Variants in MAML2 observed in about 807,000 individuals in gnomAD.
MAML2 encodes mastermind-like protein 2.
MAML2 carries 22 observed loss-of-function variants against 96.1 expected under a neutral mutation model. That is an observed-to-expected ratio of 0.23 (90% CI 0.16 to 0.33). MAML2 has a LOEUF of 0.33. MAML2 is among the 10% of genes least tolerant of loss of function. MAML2 has a pLI of 1.00. For synonymous variants in MAML2, 561 were observed against 521.3 expected, an observed-to-expected ratio of 1.08 and a Z score of -1.04; for missense variants, 1,367 against 1,392.4, an observed-to-expected ratio of 0.98 and a Z score of 0.29.
At position 96,342,109 on chromosome 11, in the gene MAML2, G is replaced by T. The variant is rs982460487; in HGVS notation, c.-214C>A. On this transcript the variant is annotated 5_prime_UTR_variant, in exon 1 of 5. Transcript: ENST00000524717. ...GGGAGAAAGAATAGAAACCAACTGG[G>T]GGGAGGATAAGTTGGAAACAAACCC... 2.2e-5 allele frequency: 12 copies of T among 553,148 alleles called. No individual in the cohort carries two copies. The highest frequency in any genetic ancestry group is 3.8e-5 in the African/African-American group (2 of 53,172). 34.3% of individuals were successfully genotyped at this position (553,148 alleles called of 1,614,324 possible). A position where few individuals can be genotyped will look rare whatever the true frequency, so the allele number is the denominator to read the frequency against.
chr11:96,337,142 C>T (rs1054486863), intron 1 of MAML2, among the ~76,000 whole-genome samples: 13 of 152,082 alleles, frequency 8.5e-5, no homozygotes, highest in African/African-American at 3.1e-4. Context: ...GATAAGAATT[C>T]TCCTTTTTTT....
chr11:96,025,458 C>T (rs12800727), intron 2 of MAML2, among the ~76,000 whole-genome samples: 36,534 of 152,070 alleles, frequency 0.24, 5,093 homozygotes, highest in Non-Finnish European at 0.32. Flanking sequence ...GCTCACTACT[C>T]GAGTGACGAG....
At chr11:96,243,930 C>T (rs918258158) in intron 1 of MAML2, among the ~76,000 whole-genome samples, 2 of 152,150 alleles carry the variant, frequency 1.3e-5, no homozygotes, top group Non-Finnish European at 2.9e-5. Flanking sequence ...CGTGAGCCAC[C>T]GCGCCCGGCC....
chr11:96,282,761 T>A (rs977624975), intron 1 of MAML2, among the ~76,000 whole-genome samples: 1 of 152,182 alleles, frequency 6.6e-6, no homozygotes, highest in African/African-American at 2.4e-5. Flanking sequence ...CCTCAAAAAA[T>A]TTGTACTACA....
At chr11:96,299,267 C>CCCA (rs1863353658) in intron 1 of MAML2, among the ~76,000 whole-genome samples, 2 of 149,658 alleles carry the variant, frequency 1.3e-5, no homozygotes, top group East Asian at 3.9e-4. Context: ...GAAAGAGAGG[C>CCCA]ACAAGTTAAA....
At chr11:96,322,669 G>T (rs1378761372) in intron 1 of MAML2, among the ~76,000 whole-genome samples, 1 of 152,276 alleles carries the variant, frequency 6.6e-6, no homozygotes. Flanking sequence ...TCCACCCTGG[G>T]GGCCACGGAG....
chr11:96,185,011 A>G (rs1861551534), intron 1 of MAML2, among the ~76,000 whole-genome samples: 1 of 152,224 alleles, frequency 6.6e-6, no homozygotes, highest in Admixed American at 6.5e-5. Context: ...GAAGAAACTT[A>G]AGAGTTCCTT....
intron 1 of MAML2, among the ~76,000 whole-genome samples, chr11:96,234,117 T>C (rs1862334954): frequency 6.6e-6 from 1 of 152,342 alleles, no homozygotes; most frequent in East Asian, 1.9e-4. Flanking sequence ...ACCCTGTATG[T>C]GTGCCCAAGT....
chr11:96,280,439 T>C (rs549470657), intron 1 of MAML2, among the ~76,000 whole-genome samples: 1 of 152,296 alleles, frequency 6.6e-6, no homozygotes, highest in African/African-American at 2.4e-5. Context: ...TCCTGATCTG[T>C]ACAATGTCAA....
chr11:96,088,511 C>G (rs1364667092), intron 2 of MAML2, among the ~76,000 whole-genome samples: 1 of 152,172 alleles, frequency 6.6e-6, no homozygotes, highest in Non-Finnish European at 1.5e-5. Context: ...ATCAGAAATG[C>G]ATTCATTGCA....
chr11:96,340,783 G>C (rs1490305270), intron 1 of MAML2, among the ~76,000 whole-genome samples: 2 of 152,152 alleles, frequency 1.3e-5, no homozygotes, highest in African/African-American at 4.8e-5. Context: ...GGCCTCTTAA[G>C]AAACAGTGCC....
At chr11:96,164,313 T>C (rs553197963) in intron 1 of MAML2, among the ~76,000 whole-genome samples, 2 of 152,146 alleles carry the variant, frequency 1.3e-5, no homozygotes, top group Non-Finnish European at 2.9e-5. Context: ...ACTTCAGAGA[T>C]CATCTTGTCA....
At chr11:96,071,300 G>A (rs1859341053) in intron 2 of MAML2, among the ~76,000 whole-genome samples, 1 of 152,264 alleles carries the variant, frequency 6.6e-6, no homozygotes, top group African/African-American at 2.4e-5. Flanking sequence ...CATGGCACTG[G>A]CACCTGGAAC....
At chr11:96,276,816 C>CAAAAAAA (rs67291067) in intron 1 of MAML2, among the ~76,000 whole-genome samples, 1 of 78,660 alleles carries the variant, frequency 1.3e-5, no homozygotes, top group African/African-American at 4.7e-5. Context: ...TTCTCAGACC[C>CAAAAAAA]AAAAAAAAAA....
At chr11:96,102,985 G>A (rs1054859914) in intron 1 of MAML2, among the ~76,000 whole-genome samples, 3 of 152,064 alleles carry the variant, frequency 2.0e-5, no homozygotes, top group Non-Finnish European at 4.4e-5. Context: ...CAGAATTTAC[G>A]ATGCATTAAG....
At chr11:96,065,886 G>A (rs2135782968) in intron 2 of MAML2, among the ~76,000 whole-genome samples, 1 of 152,224 alleles carries the variant, frequency 6.6e-6, no homozygotes, top group South Asian at 2.1e-4. Flanking sequence ...GCTGGGATAG[G>A]GCAGGCTCCC....
At chr11:96,087,443 C>T (rs1230981628) in intron 2 of MAML2, among the ~76,000 whole-genome samples, 1 of 152,136 alleles carries the variant, frequency 6.6e-6, no homozygotes, top group Middle Eastern at 3.2e-3. Flanking sequence ...ACAGACAACC[C>T]ACAGTATGTC....
At chr11:96,153,621 A>T (rs944522750) in intron 1 of MAML2, among the ~76,000 whole-genome samples, 1 of 152,148 alleles carries the variant, frequency 6.6e-6, no homozygotes. Context: ...AGGGAAAGTT[A>T]AAAATAGTGG....
chr11:96,312,936 A>G (rs1863564759), intron 1 of MAML2, among the ~76,000 whole-genome samples: 1 of 152,240 alleles, frequency 6.6e-6, no homozygotes, highest in Non-Finnish European at 1.5e-5. Flanking sequence ...TATGCTAGTT[A>G]TAGGAAGCAA....
Sources: gnomAD v4.1 joint callset for allele counts (sites outside exome capture counted in the v4.1 genomes callset) on GRCh38, gnomAD v4.1.1 for gene constraint, MANE v1.5 for transcripts, NCBI Gene and HGNC (gene_info 2026-07-23, HGNC 2026-07-21) for gene names.